PI4KA: variants seen among roughly 807,000 people sequenced by gnomAD.
PI4KA encodes the protein PI4-kinase alpha.
PI4KA carries 122 observed loss-of-function variants against 271.4 expected under a neutral mutation model. The ratio of observed to expected loss-of-function variants is 0.45; its 90% CI spans 0.39 to 0.52. The LOEUF (loss-of-function observed/expected upper bound fraction) is 0.52. PI4KA is among the 20% of genes least tolerant of loss of function. PI4KA has a pLI of 0.00. For missense variants in PI4KA, 1,969 were observed against 2,769.1 expected, an observed-to-expected ratio of 0.71 and a Z score of 6.48; for synonymous variants, 1,041 against 1,078.8, an observed-to-expected ratio of 0.96 and a Z score of 0.69.
rs750651095 is a variant in PI4KA at position 20,802,017 on chromosome 22, G to A, written c.1680C>T (p.Ser560=). 1.2e-6 allele frequency: 2 copies of A among 1,614,162 alleles called. No homozygotes were observed. Among genetic ancestry groups the A allele is most frequent in the South Asian group, 2.2e-5 (2 of 91,074 alleles). Residue 560 remains serine, a synonymous_variant, in exon 14 of 55, where the codon TCC becomes TCT. Transcript: ENST00000255882. ...CGATGTCTCGGAGCTGCTCGTACATGGAGGGCTGGCTCTTCTTACCCGACA... is the reference window on the plus strand; with the variant it reads ...CGATGTCTCGGAGCTGCTCGTACATAGAGGGCTGGCTCTTCTTACCCGACA... ...NVMSGKKSQP[S]MYEQLRDIAI...
chr22:20,804,942 G>C, intron 11 of PI4KA, 32 bp downstream of exon 11: 1 of 1,551,498 alleles, frequency 6.4e-7, no homozygotes, highest in South Asian at 1.2e-5. Context: ...CATGCCTGGA[G>C]CTCACATGAG....
At chr22:20,758,515 G>A (rs1336087262) in intron 23 of PI4KA, among the ~76,000 whole-genome samples, 1 of 74,132 alleles carries the variant, frequency 1.3e-5, no homozygotes, top group African/African-American at 5.6e-5. Context: ...TGTTTTATGT[G>A]TGGCCCAAGA....
chr22:20,710,041 G>C lies in PI4KA; in HGVS notation c.6084-44C>G. The C allele has an allele frequency of 2.5e-6, 3 of 1,221,978 alleles. 1 individual carries two copies. The highest frequency in any genetic ancestry group is 3.8e-4 in the Middle Eastern group (2 of 5,268). 75.7% of individuals were successfully genotyped at this position (1,221,978 alleles called of 1,614,324 possible). ...GAGCGGTGGGCTGAGGCCAGCCTAG[G>C]TGGTGGCCCTGCCTGTAGTCCTGTG... On this transcript the variant is annotated intron_variant, in intron 52 of 54. Transcript: ENST00000255882.
intron 22 of PI4KA, among the ~76,000 whole-genome samples, chr22:20,761,614 T>C (rs560705538): frequency 6.6e-6 from 1 of 152,310 alleles, no homozygotes; most frequent in South Asian, 2.1e-4. Flanking sequence ...CAGGGTTACA[T>C]GCACAAGGAT....
At chr22:20,759,977 G>T (rs2147370926) in intron 23 of PI4KA, among the ~76,000 whole-genome samples, 1 of 152,242 alleles carries the variant, frequency 6.6e-6, no homozygotes, top group Admixed American at 6.5e-5. Context: ...TGGGATTACA[G>T]CTGTGAGCCA....
intron 19 of PI4KA, among the ~76,000 whole-genome samples, chr22:20,790,175 G>T (rs1934537443): frequency 6.6e-6 from 1 of 152,140 alleles, no homozygotes; most frequent in African/African-American, 2.4e-5. Context: ...AGGAGCCTCA[G>T]AGATTGTATG....
intron 19 of PI4KA, chr22:20,786,248 C>T (rs1934215664): frequency 1.5e-6 from 2 of 1,336,266 alleles, no homozygotes; most frequent in Middle Eastern, 5.1e-4. Flanking sequence ...ATCTCATGTC[C>T]CAGCTTGGGG....
rs775916883 is a variant in PI4KA, at chr22:20,729,515, A to G, written c.4489-9T>C. 10 of 1,574,430 alleles carry G rather than the reference A, an allele frequency of 6.4e-6. No homozygotes were observed. Among genetic ancestry groups the G allele is most frequent in the African/African-American group, 5.4e-5 (4 of 74,064 alleles). ...CGCTCGATCTCAGTGGCCTGGCAAG[A>G]TAAGACATAAGGCCTGATATGCACC... On this transcript the variant is annotated splice_polypyrimidine_tract_variant and intron_variant, in intron 38 of 54. Transcript: ENST00000255882.
At position 20,765,090 on chromosome 22, in the gene PI4KA, G is replaced by C; in HGVS notation, c.2574+10C>G. On this transcript the variant is annotated intron_variant, in intron 21 of 54. Transcript: ENST00000255882. ...AGAGAGCATGGTAAAAATGAGATGT[G>C]AATCCTTACGGGGGTGACCGTGTCA... 1 of 1,608,102 alleles carries C rather than the reference G, an allele frequency of 6.2e-7. No homozygotes were observed.
chr22:20,784,780 T>C (rs1415821622), intron 19 of PI4KA, among the ~76,000 whole-genome samples: 2 of 152,224 alleles, frequency 1.3e-5, no homozygotes, highest in Non-Finnish European at 2.9e-5. Flanking sequence ...TAAGTACTTA[T>C]TGAGATTATT....
At chr22:20,765,382 G>T in intron 20 of PI4KA, 146 bp from the exon 21 acceptor site, 1 of 922,904 alleles carries the variant, frequency 1.1e-6, no homozygotes. Flanking sequence ...ACCTGACTTG[G>T]ACAGACTTTT....
At chr22:20,847,318 AAAC>A (rs1443462284) in intron 1 of PI4KA, among the ~76,000 whole-genome samples, 2 of 152,030 alleles carry the variant, frequency 1.3e-5, no homozygotes, top group Non-Finnish European at 2.9e-5. Flanking sequence ...GTAAAAAGAA[AAAC>A]AACTGTAATA....
In PI4KA at chr22:20,708,765, T is replaced by C. The variant is rs1293120516; in HGVS notation, c.6257+531A>G. 2.7e-5 allele frequency among the ~76,000 whole-genome samples: 3 copies of C among 112,514 alleles called. No individual in the cohort carries two copies. In the Admixed American group the frequency reaches 2.9e-4, roughly 11 times the overall value. 73.8% of individuals were successfully genotyped at this position (112,514 alleles called of 152,430 possible). A position where few individuals can be genotyped will look rare whatever the true frequency, so the allele number is the denominator to read the frequency against. On this transcript the variant is annotated intron_variant, in intron 54 of 54. Transcript: ENST00000255882. The stretch of plus-strand genomic sequence containing the variant: ...CTTGCTGGGATCGCCATCCTCCCTT[T>C]GTTCAGGCCGGACCCCTCAAAGCCA...
chr22:20,713,309 AT>A lies in PI4KA; in HGVS notation c.5542del (p.Ile1848SerfsTer48). ...CCGGCAGTCGTCTCCCACCTTGAAG[AT>A]GGCTGCCTGCCAGGAGATCTTCTGG... ...DGQKISWQAA[I>X]FKVGDDCRQD... On this transcript the variant is annotated frameshift_variant, in exon 48 of 55. Coordinates refer to ENST00000255882, the MANE Select transcript of PI4KA (RefSeq NM_058004.4). LOFTEE classifies it high-confidence loss of function. The A allele has an allele frequency of 6.3e-7, 1 of 1,597,824 alleles. No individual in the cohort carries two copies. The highest frequency in any genetic ancestry group is 8.5e-7 in the Non-Finnish European group (1 of 1,171,272).
chr22:20,811,024 C>A lies in PI4KA; in HGVS notation c.1014G>T (p.Lys338Asn), dbSNP rs1601548558. 1 of 1,612,578 alleles carries A rather than the reference C, an allele frequency of 6.2e-7. No individual in the cohort carries two copies. The highest frequency in any genetic ancestry group is 1.3e-5 in the African/African-American group (1 of 74,900). The change falls in exon 9 of 55, where the codon AAG (lysine) becomes AAT (asparagine). Residue 338 changes from lysine to asparagine, a missense_variant. Physicochemically the swap from Lys to Asn is moderately conservative, Grantham distance 94. Transcript: ENST00000255882. ...MLRELLNLVK[K>N]IVEEAVLKSL... ...ATTTGAGAACAGCCTCCTCAACGAT[C>A]TTCTTCACCTACCAAGGAAACAGAA...
intron 3 of PI4KA, among the ~76,000 whole-genome samples, chr22:20,827,415 T>G (rs1923566093): frequency 6.6e-6 from 1 of 152,180 alleles, no homozygotes; most frequent in Admixed American, 6.5e-5. Context: ...TGTGCTATTT[T>G]TTTTACCAGT....
At chr22:20,830,010 T>C (rs1198335401) in intron 3 of PI4KA, among the ~76,000 whole-genome samples, 3 of 152,212 alleles carry the variant, frequency 2.0e-5, no homozygotes, top group Non-Finnish European at 2.9e-5. Context: ...TGTGGCCCTA[T>C]GAGTTCAGTT....
At chr22:20,746,025 G>C (rs1267170451) in intron 29 of PI4KA, among the ~76,000 whole-genome samples, 3 of 120,558 alleles carry the variant, frequency 2.5e-5, no homozygotes, top group African/African-American at 9.5e-5. Flanking sequence ...TTTTACTAGA[G>C]ATGGGGTTTC....
At chr22:20,751,521 T>G in intron 26 of PI4KA, 145 bp from the exon 27 acceptor site, 6 of 924,174 alleles carry the variant, frequency 6.5e-6, no homozygotes, top group Non-Finnish European at 8.5e-6. Flanking sequence ...CCAGGTGGAT[T>G]TGGGCCCCCT....
Sources: allele counts gnomAD v4.1 joint callset (sites outside exome capture counted in the v4.1 genomes callset), GRCh38; gene constraint gnomAD v4.1.1; transcripts MANE v1.5; gene names NCBI Gene and HGNC (gene_info 2026-07-23, HGNC 2026-07-21).